Variants in SERINC3 observed in about 807,000 individuals in gnomAD.
The protein encoded by SERINC3 is serine incorporator 3, also known as tumor differentially expressed protein 1.
A neutral mutation model predicts 52.1 loss-of-function variants in SERINC3; 22 were observed. The observed-to-expected ratio is 0.42, with a 90% CI of 0.30 to 0.60. SERINC3 has a LOEUF of 0.60. Ranked by LOEUF, SERINC3 falls within the 20% of genes least tolerant of loss-of-function variation. The probability of loss-of-function intolerance (pLI) is 0.16; values close to 1 mark genes in which losing one functional copy is unlikely to be tolerated. For missense variants in SERINC3, 564 were observed against 584.6 expected, an observed-to-expected ratio of 0.96 and a Z score of 0.36; for synonymous variants, 226 against 212.7, an observed-to-expected ratio of 1.06 and a Z score of -0.54.
rs2064295041 is a variant in SERINC3, at chr20:44,503,892, TG to T, written c.977del (p.Pro326HisfsTer36). 1 of 1,603,840 alleles carries T rather than the reference TG, an allele frequency of 6.2e-7. No individual in the cohort carries two copies. The highest frequency in any genetic ancestry group is 1.3e-5 in the African/African-American group (1 of 74,136). On this transcript the variant is annotated frameshift_variant, in exon 8 of 10. Coordinates refer to ENST00000342374, the MANE Select transcript of SERINC3 (RefSeq NM_006811.4). LOFTEE classifies it high-confidence loss of function. ...AATCCAGTAAAGACCCACTCTTTGA[TG>T]GTGGAGTAGGGGTAGGGACCACAGC... ...STAVVPTPTP[P>X]SKSGSLLDSD...
chr20:44,500,546 A>T, intron 9 of SERINC3, 112 bp from the exon 10 acceptor site: 3 of 1,216,478 alleles, frequency 2.5e-6, no homozygotes, highest in Non-Finnish European at 3.5e-6. Context: ...CTTGGCTGGC[A>T]CTACCCCCCA....
chr20:44,505,793 T>G (rs1374056720), intron 6 of SERINC3, among the ~76,000 whole-genome samples: 1 of 150,796 alleles, frequency 6.6e-6, no homozygotes. Context: ...AGAGATGACG[T>G]TTCACCATGT....
intron 6 of SERINC3, among the ~76,000 whole-genome samples, chr20:44,506,110 T>C (rs2064310859): frequency 6.6e-6 from 1 of 150,398 alleles, no homozygotes; most frequent in African/African-American, 2.4e-5. Flanking sequence ...AGACCAGCCT[T>C]GCCAACATGG....
At chr20:44,503,008 G>C (rs2064289542) in intron 8 of SERINC3, among the ~76,000 whole-genome samples, 1 of 152,030 alleles carries the variant, frequency 6.6e-6, no homozygotes, top group Non-Finnish European at 1.5e-5. Context: ...ATTGTATTTA[G>C]AATAAAACAC....
At chr20:44,515,605 G>A (rs901505314) in intron 1 of SERINC3, among the ~76,000 whole-genome samples, 1 of 152,016 alleles carries the variant, frequency 6.6e-6, no homozygotes, top group African/African-American at 2.4e-5. Context: ...CTAGACAGAT[G>A]TGATGGCAGC....
chr20:44,519,370 C>T (rs556445515), intron 1 of SERINC3: 3 of 966,196 alleles, frequency 3.1e-6, no homozygotes, highest in South Asian at 4.8e-5. Flanking sequence ...TTGAGACCAT[C>T]CTGGCGTGAG....
In SERINC3 at chr20:44,507,649, T is replaced by A. The variant is rs577520561; in HGVS notation, c.614-653A>T. On this transcript the variant is annotated intron_variant, in intron 5 of 9. Coordinates refer to ENST00000342374, the MANE Select transcript of SERINC3 (RefSeq NM_006811.4). ...ACTTTGGGAGGCCAAGGTGGCTGGATTGCTTGAGCCTGAGTTCCAGACCAG... is the reference window on the plus strand; with the variant it reads ...ACTTTGGGAGGCCAAGGTGGCTGGAATGCTTGAGCCTGAGTTCCAGACCAG... Among the ~76,000 whole-genome samples the A allele has an allele frequency of 7.1e-4, 108 of 152,314 alleles. 2 individuals are homozygous for A. The Middle Eastern group carries it at 0.017, about 24-fold the overall frequency.
At position 44,499,527 on chromosome 20, in the gene SERINC3, A is replaced by G. The variant is rs1184222529; in HGVS notation, c.*769T>C. 10 of 152,346 alleles carry G rather than the reference A, an allele frequency of 6.6e-5. No homozygotes were observed. Among genetic ancestry groups the G allele is most frequent in the Non-Finnish European group, 8.8e-5 (6 of 68,046 alleles). The allele number at this position is 152,346 out of a possible 1,614,324, so 9.4% of individuals were successfully genotyped here. On this transcript the variant is annotated 3_prime_UTR_variant, in exon 10 of 10. Transcript: ENST00000342374. Reference sequence around the variant, plus strand: ...CAAATACCTTCATAGTGCAAATATGATAAATTCACATGCATTTTACTTTTA... The same window carrying G: ...CAAATACCTTCATAGTGCAAATATGGTAAATTCACATGCATTTTACTTTTA...
At chr20:44,517,333 G>A (rs2064386843) in intron 1 of SERINC3, among the ~76,000 whole-genome samples, 1 of 152,182 alleles carries the variant, frequency 6.6e-6, no homozygotes, top group Admixed American at 6.5e-5. Context: ...CACTGCAGAG[G>A]CATGTCCTCC....
chr20:44,511,279 T>C lies in SERINC3; in HGVS notation c.475+10A>G. 4 of 1,576,040 alleles carry C rather than the reference T, an allele frequency of 2.5e-6. 1 individual carries two copies. The South Asian group carries it at 4.4e-5, about 17-fold the overall frequency. On this transcript the variant is annotated intron_variant, in intron 4 of 9. Transcript: ENST00000342374. The stretch of plus-strand genomic sequence containing the variant: ...AGTTTAAAATTAACCCCCTCAATGG[T>C]GAACCCTACCTGAGCTGAAATAGCC...
intron 4 of SERINC3, among the ~76,000 whole-genome samples, chr20:44,510,676 GT>G (rs1390570009): frequency 3.3e-5 from 5 of 152,030 alleles, no homozygotes; most frequent in Non-Finnish European, 7.4e-5. Context: ...GCTGGGCGTG[GT>G]GGTGGGCGCC....
chr20:44,507,384 G>T (rs2064321224), intron 5 of SERINC3, among the ~76,000 whole-genome samples: 1 of 152,184 alleles, frequency 6.6e-6, no homozygotes, highest in Admixed American at 6.5e-5. Context: ...TCCATGCCAG[G>T]ATGGTGTTAG....
At chr20:44,500,583 C>T in intron 9 of SERINC3, 149 bp from the exon 10 acceptor site, 4 of 796,114 alleles carry the variant, frequency 5.0e-6, no homozygotes, top group Non-Finnish European at 6.0e-6. Context: ...CCAGAGGAAG[C>T]TGCTATTTTT....
rs557329001 is a variant in SERINC3 at position 44,508,380 on chromosome 20, A to T, written c.614-1384T>A. Among the ~76,000 whole-genome samples, 13 of 152,112 alleles carry T rather than the reference A, an allele frequency of 8.5e-5. No homozygotes were observed. The East Asian group carries it at 2.5e-3, about 29-fold the overall frequency. ...TGTGGGTGTGGTGGTGTGCACCTGT[A>T]GTCCCAGCTACTTGGGAGGCTGAGG... On this transcript the variant is annotated intron_variant, in intron 5 of 9. Transcript: ENST00000342374.
chr20:44,512,974 C>G lies in SERINC3; in HGVS notation c.222G>C (p.Gly74=). The G allele has an allele frequency of 6.7e-7, 1 of 1,502,010 alleles. No individual in the cohort carries two copies. The highest frequency in any genetic ancestry group is 1.7e-4 in the Middle Eastern group (1 of 5,730). The allele number at this position is 1,502,010 out of a possible 1,614,324, so 93.0% of individuals were successfully genotyped here. ...TATCAGCCTCATGGATTTTAAATCC[C>G]CCTTCACAAAATCCAGGAATCTGGA... ...YLKKIPGFCE[G]GFKIHEADIN... The change falls in exon 3 of 10, where the codon GGG becomes GGC. Residue 74 remains glycine, a synonymous_variant. Transcript: ENST00000342374.
intron 3 of SERINC3, among the ~76,000 whole-genome samples, chr20:44,511,942 T>C (rs1188372405): frequency 6.6e-6 from 1 of 152,232 alleles, no homozygotes; most frequent in Non-Finnish European, 1.5e-5. Flanking sequence ...TTAACCTCTC[T>C]GCAGTTCAGT....
intron 6 of SERINC3, among the ~76,000 whole-genome samples, chr20:44,505,777 T>C (rs1163315303): frequency 6.6e-6 from 1 of 151,232 alleles, no homozygotes; most frequent in Non-Finnish European, 1.5e-5. Flanking sequence ...ATTTTGTATT[T>C]TTAGTAGAGA....
At chr20:44,511,005 C>T (rs45451296) in intron 4 of SERINC3, among the ~76,000 whole-genome samples, 23,760 of 151,902 alleles carry the variant, frequency 0.16, 2,339 homozygotes, top group African/African-American at 0.28. Context: ...CCTCTGCCTC[C>T]CAGGTTCAGG....
At chr20:44,497,349 C>T (rs1321308109), downstream of SERINC3, 1 of 152,218 alleles carries the variant, frequency 6.6e-6, no homozygotes, top group Admixed American at 6.5e-5. Flanking sequence ...AGGCAGACTT[C>T]ACTACTTCTT....
Sources: allele counts gnomAD v4.1 joint callset (sites outside exome capture counted in the v4.1 genomes callset), GRCh38; gene constraint gnomAD v4.1.1; transcripts MANE v1.5; gene names NCBI Gene and HGNC (gene_info 2026-07-23, HGNC 2026-07-21).